Variants in GNG12 observed in about 807,000 individuals in gnomAD.
GNG12 encodes G protein subunit gamma 12.
For missense variants in GNG12, 69 were observed against 83.8 expected, an observed-to-expected ratio of 0.82 and a Z score of 0.69; for synonymous variants, 28 against 29.7, an observed-to-expected ratio of 0.94 and a Z score of 0.19.
chr1:67,747,114 G>GA (rs1646512113), intron 2 of GNG12, among the ~76,000 whole-genome samples: 1 of 152,076 alleles, frequency 6.6e-6, no homozygotes, highest in Non-Finnish European at 1.5e-5. Context: ...AAAGCATAAA[G>GA]AATCTTTTTG....
intron 2 of GNG12, among the ~76,000 whole-genome samples, chr1:67,721,855 C>T (rs1646358305): frequency 2.0e-5 from 3 of 152,074 alleles, no homozygotes; most frequent in Admixed American, 2.0e-4. Context: ...GGATTCCTTC[C>T]CATCAGCATT....
intron 1 of GNG12, among the ~76,000 whole-genome samples, chr1:67,827,329 A>G (rs1440792695): frequency 1.3e-5 from 2 of 152,224 alleles, no homozygotes. Flanking sequence ...ACTGAAAATT[A>G]CAGAAGATTT....
At chr1:67,817,495 C>T (rs1276614764) in intron 1 of GNG12, among the ~76,000 whole-genome samples, 1 of 152,210 alleles carries the variant, frequency 6.6e-6, no homozygotes, top group East Asian at 1.9e-4. Context: ...CATAATCTTT[C>T]CACACACTGT....
chr1:67,816,505 T>A (rs1646954472), intron 1 of GNG12, among the ~76,000 whole-genome samples: 1 of 152,176 alleles, frequency 6.6e-6, no homozygotes, highest in Non-Finnish European at 1.5e-5. Flanking sequence ...TCCAGTCTAG[T>A]TACAAATTAT....
chr1:67,703,506 A>G lies in GNG12; in HGVS notation c.*1945T>C, dbSNP rs538723431. ...AAACTGAGTAGAAAAATAGACTTATAAAAAAAAGAATGTCTCATTAAGTGA... is the reference window on the plus strand; with the variant it reads ...AAACTGAGTAGAAAAATAGACTTATGAAAAAAAGAATGTCTCATTAAGTGA... On this transcript the variant is annotated 3_prime_UTR_variant, in exon 4 of 4. Transcript: ENST00000370982. 4.6e-5 allele frequency: 7 copies of G among 152,256 alleles called. No individual in the cohort carries two copies. The East Asian group carries it at 1.4e-3, about 29-fold the overall frequency. 9.4% of individuals were successfully genotyped at this position (152,256 alleles called of 1,614,324 possible).
At chr1:67,815,076 A>C (rs1646945840) in intron 1 of GNG12, among the ~76,000 whole-genome samples, 2 of 152,202 alleles carry the variant, frequency 1.3e-5, no homozygotes, top group African/African-American at 4.8e-5. Context: ...GTGTTACCAT[A>C]CAAAAGACTT....
At chr1:67,753,948 G>A (rs185179064) in intron 2 of GNG12, among the ~76,000 whole-genome samples, 35 of 152,222 alleles carry the variant, frequency 2.3e-4, no homozygotes, top group African/African-American at 8.4e-4. Context: ...AAAGGTAGGC[G>A]CTCCCTTCTC....
intron 1 of GNG12, among the ~76,000 whole-genome samples, chr1:67,813,462 C>T (rs1019829050): frequency 5.3e-5 from 8 of 152,174 alleles, no homozygotes; most frequent in East Asian, 1.9e-4. Context: ...TTTTAGGCAT[C>T]AGTTAGGGCC....
rs766295367 is a variant in GNG12 at position 67,825,523 on chromosome 1, T to TA, written c.-77+7820dup. On this transcript the variant is annotated intron_variant, in intron 1 of 3. Coordinates refer to ENST00000370982, the MANE Select transcript of GNG12 (RefSeq NM_018841.6). ...CTACAGGCTTTCTAAAGGATCAACT[T>TA]AAAAAAGCAAGAAAGTAGTACCAGT... is the stretch of plus-strand genomic sequence containing the variant. 3.3e-5 allele frequency among the ~76,000 whole-genome samples: 5 copies of TA among 152,120 alleles called. No homozygotes were observed. In the East Asian group the frequency reaches 9.6e-4, roughly 29 times the overall value.
chr1:67,737,211 TC>T (rs1303623614), intron 2 of GNG12, among the ~76,000 whole-genome samples: 3 of 152,254 alleles, frequency 2.0e-5, no homozygotes, highest in African/African-American at 7.2e-5. Flanking sequence ...GGCTACTTAG[TC>T]TTTTGCATTG....
chr1:67,782,648 C>A (rs1364977268), intron 1 of GNG12, among the ~76,000 whole-genome samples: 1 of 151,960 alleles, frequency 6.6e-6, no homozygotes, highest in African/African-American at 2.4e-5. Context: ...TCTGATAATG[C>A]CAAAGACAGT....
rs1570469058 is a variant in GNG12, at chr1:67,703,844, T to C, written c.*1607A>G. On this transcript the variant is annotated 3_prime_UTR_variant, in exon 4 of 4. Transcript: ENST00000370982. ...ATACTCAAAGCCCAGACATTAGATT[T>C]TAAAAGGGGTTTGCTTTCCAGGACA... 6.6e-6 allele frequency: 1 copy of C among 152,262 alleles called. No individual in the cohort carries two copies. The highest frequency in any genetic ancestry group is 1.9e-4 in the East Asian group (1 of 5,198). 9.4% of individuals were successfully genotyped at this position (152,262 alleles called of 1,614,324 possible).
At chr1:67,826,627 G>C (rs1374939416) in intron 1 of GNG12, among the ~76,000 whole-genome samples, 2 of 152,180 alleles carry the variant, frequency 1.3e-5, no homozygotes, top group Non-Finnish European at 2.9e-5. Flanking sequence ...CTAGTCTAAA[G>C]GTTACACCTT....
At position 67,736,463 on chromosome 1, in the gene GNG12, T is replaced by C. The variant is rs191411791; in HGVS notation, c.-26-28751A>G. Among the ~76,000 whole-genome samples, 66 of 152,192 alleles carry C rather than the reference T, an allele frequency of 4.3e-4. 1 individual carries two copies. Among genetic ancestry groups the C allele is most frequent in the Middle Eastern group, 6.8e-3 (2 of 292 alleles). On this transcript the variant is annotated intron_variant, in intron 2 of 3. Coordinates refer to ENST00000370982, the MANE Select transcript of GNG12 (RefSeq NM_018841.6). Reference sequence around the variant, plus strand: ...AGTGGGCCAGGGCAGCTCTAAACACTAGACTGCTTCCTGTTGTGCAGCTAT... The same window carrying C: ...AGTGGGCCAGGGCAGCTCTAAACACCAGACTGCTTCCTGTTGTGCAGCTAT...
chr1:67,732,306 TATC>T (rs1363291521), intron 2 of GNG12, among the ~76,000 whole-genome samples: 1 of 152,240 alleles, frequency 6.6e-6, no homozygotes, highest in African/African-American at 2.4e-5. Flanking sequence ...CGACTATTAT[TATC>T]AAGAGAGGCC....
intron 2 of GNG12, among the ~76,000 whole-genome samples, chr1:67,719,936 C>A (rs1294136986): frequency 1.3e-5 from 2 of 152,216 alleles, no homozygotes; most frequent in Non-Finnish European, 2.9e-5. Context: ...TTAAGACATG[C>A]GATGTAGCAA....
chr1:67,724,494 A>G (rs1448375944), intron 2 of GNG12, among the ~76,000 whole-genome samples: 3 of 152,122 alleles, frequency 2.0e-5, no homozygotes, highest in African/African-American at 7.2e-5. Flanking sequence ...GGTTCAAGTG[A>G]TTCTCCTGCC....
At chr1:67,756,621 C>A (rs985251600) in intron 2 of GNG12, among the ~76,000 whole-genome samples, 2 of 152,092 alleles carry the variant, frequency 1.3e-5, no homozygotes, top group Non-Finnish European at 2.9e-5. Context: ...CATGAGTGCA[C>A]GTGTGTGTGC....
At chr1:67,730,289 C>T (rs1156880575) in intron 2 of GNG12, among the ~76,000 whole-genome samples, 1 of 152,144 alleles carries the variant, frequency 6.6e-6, no homozygotes, top group Admixed American at 6.5e-5. Context: ...TACATGAGGC[C>T]AGGAGTCCGA....
Sources: allele counts gnomAD v4.1 joint callset (sites outside exome capture counted in the v4.1 genomes callset), GRCh38; gene constraint gnomAD v4.1.1; transcripts MANE v1.5; gene names NCBI Gene and HGNC (gene_info 2026-07-23, HGNC 2026-07-21).